Variants in SPICE1 observed in about 807,000 individuals in gnomAD.
SPICE1 encodes spindle and centriole-associated protein 1.
SPICE1 carries 75 observed loss-of-function variants against 102.7 expected under a neutral mutation model. The observed-to-expected ratio is 0.73, with a 90% CI of 0.61 to 0.88. SPICE1 has a LOEUF of 0.88. Ranked by LOEUF, SPICE1 falls within the 40% of genes least tolerant of loss-of-function variation. SPICE1 has a pLI of 0.00. For missense variants in SPICE1, 979 were observed against 1,020.1 expected (o/e 0.96, Z 0.55); for synonymous variants, 308 against 350.3 (o/e 0.88, Z 1.35).
intron 17 of SPICE1, among the ~76,000 whole-genome samples, chr3:113,446,286 C>G (rs1935511120): frequency 6.6e-6 from 1 of 152,062 alleles, no homozygotes; most frequent in Non-Finnish European, 1.5e-5. Context: ...ACAACCCATT[C>G]AAGGCACACC....
intron 7 of SPICE1, among the ~76,000 whole-genome samples, chr3:113,484,173 G>C (rs556986589): frequency 6.6e-6 from 1 of 152,276 alleles, no homozygotes; most frequent in African/African-American, 2.4e-5. Flanking sequence ...TATTTGCATA[G>C]AGGTGTTTAT....
At chr3:113,493,456 A>T in intron 5 of SPICE1, 144 bp from the exon 6 acceptor site, 1 of 655,970 alleles carries the variant, frequency 1.5e-6, no homozygotes, top group South Asian at 1.8e-5. Context: ...TATGCCAGGC[A>T]CTGTTCTAAA....
intron 11 of SPICE1, among the ~76,000 whole-genome samples, chr3:113,463,741 C>T (rs1935986702): frequency 6.6e-6 from 1 of 152,240 alleles, no homozygotes; most frequent in South Asian, 2.1e-4. Context: ...CTGCCAGGAG[C>T]TGGCAAGAAG....
At position 113,471,645 on chromosome 3, in the gene SPICE1, C is replaced by T. The variant is rs983022559; in HGVS notation, c.612-2407G>A. Among the ~76,000 whole-genome samples the T allele has an allele frequency of 5.3e-5, 8 of 151,968 alleles. 1 individual carries two copies. The highest frequency in any genetic ancestry group is 2.0e-4 in the Admixed American group (3 of 15,266). On this transcript the variant is annotated intron_variant, in intron 7 of 17. Coordinates refer to ENST00000295872, the MANE Select transcript of SPICE1 (RefSeq NM_144718.4). ...TGTAGCTATAAGACAAAAACAAAAA[C>T]GGGATACGCATGGAAGCATAGTATG...
At chr3:113,471,815 G>A (rs1374188064) in intron 7 of SPICE1, among the ~76,000 whole-genome samples, 2 of 152,122 alleles carry the variant, frequency 1.3e-5, no homozygotes, top group Non-Finnish European at 2.9e-5. Context: ...GGCAGCCAAG[G>A]TGGCCGAATA....
At chr3:113,514,728 T>A (rs1245275892) in intron 1 of SPICE1, 169 bp downstream of exon 1, 3 of 1,271,044 alleles carry the variant, frequency 2.4e-6, no homozygotes, top group Non-Finnish European at 3.1e-6. Context: ...CAAAGCACCC[T>A]GGATAGTTTG....
chr3:113,470,215 A>T (rs1264823459), intron 7 of SPICE1, among the ~76,000 whole-genome samples: 1 of 152,234 alleles, frequency 6.6e-6, no homozygotes, highest in African/African-American at 2.4e-5. Flanking sequence ...GAAAAACTTT[A>T]AGCAAAAGGA....
chr3:113,448,041 C>G lies in SPICE1; in HGVS notation c.2423G>C (p.Arg808Thr). ...AAATATTCACACTGCAACTTACCTTCTTGTATTTATCCCGCTGACGGGAGA... is the reference window on the plus strand; with the variant it reads ...AAATATTCACACTGCAACTTACCTTGTTGTATTTATCCCGCTGACGGGAGA... Reference protein sequence around the residue: ...TVSPVSGINTRRSSGATGNSC... With the variant: ...TVSPVSGINTTRSSGATGNSC... Residue 808 changes from arginine to threonine, a missense_variant, in exon 16 of 18, where the codon AGA (arginine) becomes ACA (threonine). Physicochemically the swap from Arg to Thr is moderately conservative, Grantham distance 71. Transcript: ENST00000295872. The G allele has an allele frequency of 6.3e-7, 1 of 1,598,730 alleles. No homozygotes were observed. Among genetic ancestry groups the G allele is most frequent in the Non-Finnish European group, 8.5e-7 (1 of 1,174,556 alleles).
At chr3:113,472,147 G>C (rs914259937) in intron 7 of SPICE1, among the ~76,000 whole-genome samples, 1 of 152,242 alleles carries the variant, frequency 6.6e-6, no homozygotes, top group African/African-American at 2.4e-5. Context: ...CACCTGGCTC[G>C]GAGGGTCTTA....
intron 1 of SPICE1, among the ~76,000 whole-genome samples, chr3:113,509,759 C>T: frequency 6.6e-6 from 1 of 152,210 alleles, no homozygotes; most frequent in Non-Finnish European, 1.5e-5. Flanking sequence ...CCCTATAATC[C>T]CCATGTGTCA....
In SPICE1 at chr3:113,469,145, A is replaced by G; in HGVS notation, c.705T>C (p.Thr235=). Residue 235 remains threonine (T), a synonymous_variant, in exon 8 of 18, where the codon ACT becomes ACC. Coordinates refer to ENST00000295872, the MANE Select transcript of SPICE1 (RefSeq NM_144718.4). ...QQKIATQSQI[T]PPGTPSSALS... is the part of the protein sequence containing the mutation. ...GAGCAGATGATGGCGTTCCTGGAGG[A>G]GTTATTTGTGACTGGGTTGCTATTT... 1.2e-6 allele frequency: 2 copies of G among 1,613,672 alleles called. No individual in the cohort carries two copies. Among genetic ancestry groups the G allele is most frequent in the Non-Finnish European group, 1.7e-6 (2 of 1,179,832 alleles).
Position 113,494,127 on chromosome 3 carries a change from A to T in SPICE1, c.307T>A (p.Tyr103Asn). ...SIMKEILSDQYQMQDVLEKSD... is the reference protein window; with the variant it reads ...SIMKEILSDQNQMQDVLEKSD... ...TTCTCCAACACATCTTGCATCTGGT[A>T]TTGATCAGAAAGAATCTAGACATGT... Residue 103 changes from tyrosine (Y) to asparagine (N), a missense_variant, in exon 5 of 18, where the codon TAC becomes AAC. By Grantham distance (143) the Tyr-to-Asn change is moderately radical (BLOSUM62 -2). Transcript: ENST00000295872. 6 of 1,607,212 alleles carry T rather than the reference A, an allele frequency of 3.7e-6. No homozygotes were observed. The highest frequency in any genetic ancestry group is 5.1e-6 in the Non-Finnish European group (6 of 1,176,102).
Position 113,479,082 on chromosome 3 carries a change from G to A in SPICE1, c.612-9844C>T, listed in dbSNP as rs527383243. ...GCTGGTGTGCTGCACCCATTAACTC[G>A]TCATTTAGCATTAGGTGTATCTCCT... On this transcript the variant is annotated intron_variant, in intron 7 of 17. Transcript: ENST00000295872. Among the ~76,000 whole-genome samples, 952 of 150,464 alleles carry A rather than the reference G, an allele frequency of 6.3e-3. 2 individuals carry two copies. The highest frequency in any genetic ancestry group is 0.011 in the Non-Finnish European group (731 of 67,644).
At chr3:113,493,173 A>G in intron 6 of SPICE1, 33 bp downstream of exon 6, 2 of 1,443,902 alleles carry the variant, frequency 1.4e-6, no homozygotes, top group Non-Finnish European at 9.4e-7. Context: ...TCCTTTCAGC[A>G]TGAGTGTTAT....
chr3:113,476,380 A>G (rs1392671139), intron 7 of SPICE1, among the ~76,000 whole-genome samples: 363 of 151,494 alleles, frequency 2.4e-3, no homozygotes, highest in Non-Finnish European at 4.1e-3. Context: ...TAGAGATTCA[A>G]TGCCATCCCC....
chr3:113,451,216 G>C (rs1317715736), intron 14 of SPICE1, among the ~76,000 whole-genome samples: 1 of 152,080 alleles, frequency 6.6e-6, no homozygotes, highest in Non-Finnish European at 1.5e-5. Flanking sequence ...AGCCACTTTT[G>C]GCCTAAGGTA....
intron 3 of SPICE1, among the ~76,000 whole-genome samples, chr3:113,502,257 T>C (rs1937023324): frequency 6.6e-6 from 1 of 152,054 alleles, no homozygotes; most frequent in Admixed American, 6.6e-5. Context: ...GCACCTGTAG[T>C]CCCAAGTACT....
At chr3:113,482,422 CTT>C (rs1192114269) in intron 7 of SPICE1, among the ~76,000 whole-genome samples, 1 of 152,056 alleles carries the variant, frequency 6.6e-6, no homozygotes, top group Non-Finnish European at 1.5e-5. Context: ...ATTAGATCCT[CTT>C]TGTCAATTTT....
chr3:113,471,532 T>C (rs1936198529), intron 7 of SPICE1, among the ~76,000 whole-genome samples: 1 of 152,162 alleles, frequency 6.6e-6, no homozygotes, highest in South Asian at 2.1e-4. Flanking sequence ...GTGAAACTGA[T>C]TTTGGATTTC....
Sources: gnomAD v4.1 joint callset for allele counts (sites outside exome capture counted in the v4.1 genomes callset) on GRCh38, gnomAD v4.1.1 for gene constraint, MANE v1.5 for transcripts, NCBI Gene and HGNC (gene_info 2026-07-23, HGNC 2026-07-21) for gene names.